Variants in AGBL1 observed in about 807,000 individuals in gnomAD.
AGBL1 encodes cytosolic carboxypeptidase 4.
AGBL1 carries 130 observed loss-of-function variants against 118.9 expected under a neutral mutation model. The ratio of observed to expected loss-of-function variants is 1.09; its 90% CI spans 0.95 to 1.26. The LOEUF is 1.26. AGBL1 is among the 50% of genes most tolerant of loss of function. The pLI is 0.00. For missense variants in AGBL1, 1,584 were observed against 1,298.1 expected (o/e 1.22, Z -3.38); for synonymous variants, 555 against 478.9 (o/e 1.16, Z -2.08).
intron 24 of AGBL1, among the ~76,000 whole-genome samples, chr15:86,998,269 T>C (rs924983987): frequency 6.6e-6 from 1 of 152,200 alleles, no homozygotes; most frequent in African/African-American, 2.4e-5. Flanking sequence ...GTATTTCAAG[T>C]AGATTCTCTC....
intron 17 of AGBL1, among the ~76,000 whole-genome samples, chr15:86,312,877 C>G (rs532210425): frequency 6.6e-6 from 1 of 152,148 alleles, no homozygotes; most frequent in Non-Finnish European, 1.5e-5. Context: ...GGCTGAAACA[C>G]TGAGCAAAAA....
chr15:86,638,860 C>G (rs1285365860), intron 21 of AGBL1, among the ~76,000 whole-genome samples: 1 of 152,156 alleles, frequency 6.6e-6, no homozygotes, highest in Non-Finnish European at 1.5e-5. Context: ...CCTCTGCTTT[C>G]AGGACCTTTC....
At chr15:86,903,725 G>A (rs1462538437) in intron 22 of AGBL1, among the ~76,000 whole-genome samples, 1 of 152,210 alleles carries the variant, frequency 6.6e-6, no homozygotes, top group Non-Finnish European at 1.5e-5. Flanking sequence ...GCCTCCAGGG[G>A]CACCCAGTGT....
intron 24 of AGBL1, among the ~76,000 whole-genome samples, chr15:87,017,374 C>G (rs950149428): frequency 6.6e-6 from 1 of 152,132 alleles, no homozygotes; most frequent in Admixed American, 6.6e-5. Context: ...CCTTTAGATA[C>G]AATTTGGGCT....
In AGBL1 at chr15:86,909,712, G is replaced by T. The variant is rs1299391976; in HGVS notation, c.*2418G>T. On this transcript the variant is annotated 3_prime_UTR_variant, in exon 23 of 23. Coordinates refer to ENST00000614907, the MANE Select transcript of AGBL1 (RefSeq NM_001386094.1). ...AAATAAAGGCTAGCATAATGGTGCT[G>T]ATTTCTCTTTGCTTTGAGGATTCAA... 1 of 152,166 alleles carries T rather than the reference G, an allele frequency of 6.6e-6. No individual in the cohort carries two copies. The highest frequency in any genetic ancestry group is 1.5e-5 in the Non-Finnish European group (1 of 68,030). 9.4% of individuals were successfully genotyped at this position (152,166 alleles called of 1,614,324 possible).
chr15:86,539,857 A>G (rs1049254139), intron 19 of AGBL1, among the ~76,000 whole-genome samples: 1 of 152,212 alleles, frequency 6.6e-6, no homozygotes, highest in African/African-American at 2.4e-5. Context: ...GGGTTCCCAG[A>G]GAACGCTGCT....
At chr15:86,822,731 C>T (rs1046734475) in intron 22 of AGBL1, among the ~76,000 whole-genome samples, 1 of 152,062 alleles carries the variant, frequency 6.6e-6, no homozygotes, top group African/African-American at 2.4e-5. Flanking sequence ...CAACAGAAGC[C>T]ATGTCTGTGT....
chr15:86,733,046 G>A (rs767938382), intron 22 of AGBL1, among the ~76,000 whole-genome samples: 49 of 147,606 alleles, frequency 3.3e-4, no homozygotes, highest in South Asian at 4.2e-4. Flanking sequence ...TGTATATCCC[G>A]TATATATCCT....
At chr15:86,659,290 T>A (rs1216754213) in intron 21 of AGBL1, among the ~76,000 whole-genome samples, 4 of 152,158 alleles carry the variant, frequency 2.6e-5, no homozygotes, top group Admixed American at 6.5e-5. Flanking sequence ...TAGTGGACAC[T>A]ATTTAAAGAG....
intron 23 of AGBL1, among the ~76,000 whole-genome samples, chr15:86,975,151 A>G (rs1460317697): frequency 6.6e-6 from 1 of 151,858 alleles, no homozygotes; most frequent in Non-Finnish European, 1.5e-5. Context: ...TGCTCTAAGG[A>G]TACTGTATTA....
At chr15:86,996,863 A>T (rs2081384896) in intron 24 of AGBL1, among the ~76,000 whole-genome samples, 1 of 152,168 alleles carries the variant, frequency 6.6e-6, no homozygotes, top group Non-Finnish European at 1.5e-5. Flanking sequence ...CATCACCATT[A>T]AAAACAATGA....
chr15:86,526,573 T>TATATATATAC (rs1415307184), intron 19 of AGBL1, among the ~76,000 whole-genome samples: 53 of 117,576 alleles, frequency 4.5e-4, no homozygotes, highest in African/African-American at 1.4e-3. Context: ...TATATATATA[T>TATATATATAC]ACACACAGAG....
chr15:86,435,352 A>G (rs1014407705), intron 18 of AGBL1, among the ~76,000 whole-genome samples: 3 of 152,220 alleles, frequency 2.0e-5, no homozygotes, highest in Admixed American at 6.5e-5. Context: ...TTATGAAGAT[A>G]TTCCACTAAG....
intron 23 of AGBL1, among the ~76,000 whole-genome samples, chr15:86,979,551 C>G (rs938919539): frequency 3.3e-5 from 5 of 151,848 alleles, no homozygotes; most frequent in African/African-American, 1.2e-4. Context: ...TGCAGTGGCG[C>G]GATCTCGGCT....
chr15:86,639,382 C>T (rs1034644469), intron 21 of AGBL1, among the ~76,000 whole-genome samples: 1 of 152,144 alleles, frequency 6.6e-6, no homozygotes, highest in Non-Finnish European at 1.5e-5. Flanking sequence ...GAAGCAACTC[C>T]AAAGTGTTAC....
intron 23 of AGBL1, among the ~76,000 whole-genome samples, chr15:86,942,122 C>T (rs187382687): frequency 2.0e-5 from 3 of 152,278 alleles, no homozygotes; most frequent in African/African-American, 7.2e-5. Context: ...AACTGCCTCC[C>T]CTGTAAACCT....
At chr15:86,930,452 C>T (rs568330531) in intron 23 of AGBL1, among the ~76,000 whole-genome samples, 110 of 152,148 alleles carry the variant, frequency 7.2e-4, no homozygotes, top group African/African-American at 2.4e-3. Context: ...GGCACTGCTT[C>T]GGGAGATCTG....
At chr15:86,520,018 G>A (rs376702394) in intron 18 of AGBL1, among the ~76,000 whole-genome samples, 7 of 152,116 alleles carry the variant, frequency 4.6e-5, no homozygotes, top group African/African-American at 1.7e-4. Flanking sequence ...GTGTGTCCAA[G>A]TACACTGTTA....
At chr15:86,389,305 A>G (rs1468628094) in intron 17 of AGBL1, among the ~76,000 whole-genome samples, 1 of 152,216 alleles carries the variant, frequency 6.6e-6, no homozygotes, top group Non-Finnish European at 1.5e-5. Flanking sequence ...ACAAGTTTCC[A>G]GGTACCTAAA....
Sources: gnomAD v4.1 joint callset for allele counts (sites outside exome capture counted in the v4.1 genomes callset) on GRCh38, gnomAD v4.1.1 for gene constraint, MANE v1.5 for transcripts, NCBI Gene and HGNC (gene_info 2026-07-23, HGNC 2026-07-21) for gene names.